The following NMT2 variants were observed in gnomAD, a reference collection of about 807,000 sequenced individuals.
NMT2 encodes glycylpeptide N-tetradecanoyltransferase 2.
NMT2 carries 35 observed loss-of-function variants against 65.4 expected under a neutral mutation model. The ratio of observed to expected loss-of-function variants is 0.54; its 90% CI spans 0.41 to 0.71. NMT2 has a LOEUF of 0.71. Ranked by LOEUF, NMT2 falls within the 30% of genes least tolerant of loss-of-function variation. The pLI, the probability that NMT2 is intolerant of heterozygous loss-of-function variation, is 0.00. For synonymous variants in NMT2, 226 were observed against 231.8 expected (o/e 0.98, Z 0.23); for missense variants, 489 against 611.3 (o/e 0.80, Z 2.11).
intron 8 of NMT2, among the ~76,000 whole-genome samples, chr10:15,122,316 T>A (rs549429827): frequency 3.3e-4 from 50 of 152,310 alleles, no homozygotes; most frequent in African/African-American, 9.9e-4. Flanking sequence ...TGGAGCACAA[T>A]TCTCATTCAT....
rs143193456 is a variant in NMT2, at chr10:15,116,701, A to G, written c.1170+2642T>C. Among the ~76,000 whole-genome samples, 487 of 152,326 alleles carry G rather than the reference A, an allele frequency of 3.2e-3. 4 individuals carry two copies. Among genetic ancestry groups the G allele is most frequent in the African/African-American group, 0.011 (447 of 41,568 alleles). ...ATGGACAAAAACAAAGAAAGAGAAG[A>G]CACGAATCACCAATATCTGGTATGA... is the stretch of plus-strand genomic sequence containing the variant. On this transcript the variant is annotated intron_variant, in intron 9 of 11. Coordinates refer to ENST00000378165, the MANE Select transcript of NMT2 (RefSeq NM_004808.3).
intron 1 of NMT2, among the ~76,000 whole-genome samples, chr10:15,142,671 G>T (rs1438638416): frequency 6.6e-6 from 1 of 152,200 alleles, no homozygotes; most frequent in African/African-American, 2.4e-5. Context: ...TGGTACCCTA[G>T]TGGTTTAAAA....
intron 2 of NMT2, chr10:15,141,000 C>T (rs747376502): frequency 5.3e-4 from 819 of 1,550,802 alleles, no homozygotes; most frequent in Non-Finnish European, 6.6e-4. Context: ...TGGCTGCTCC[C>T]GCTGAAATCT....
chr10:15,156,230 C>T (rs1832993143), intron 1 of NMT2, among the ~76,000 whole-genome samples: 1 of 152,118 alleles, frequency 6.6e-6, no homozygotes, highest in African/African-American at 2.4e-5. Context: ...CGGTTACCCT[C>T]ATGCTGTACT....
At chr10:15,127,571 T>TAAAAAA (rs1222509538) in intron 8 of NMT2, among the ~76,000 whole-genome samples, 1 of 75,810 alleles carries the variant, frequency 1.3e-5, no homozygotes, top group African/African-American at 7.2e-5. Flanking sequence ...AAAAAAAAAA[T>TAAAAAA]AAATAAATAA....
intron 1 of NMT2, among the ~76,000 whole-genome samples, chr10:15,160,446 G>T (rs1044266237): frequency 1.2e-4 from 18 of 151,862 alleles, no homozygotes; most frequent in Admixed American, 9.2e-4. Flanking sequence ...AAACCCCCAT[G>T]AACATGTATC....
chr10:15,153,393 C>T (rs1163443280), intron 1 of NMT2, among the ~76,000 whole-genome samples: 1 of 152,250 alleles, frequency 6.6e-6, no homozygotes, highest in Non-Finnish European at 1.5e-5. Flanking sequence ...CAGAGGCACA[C>T]ATGTGCACAT....
At chr10:15,153,610 T>C (rs1832880070) in intron 1 of NMT2, among the ~76,000 whole-genome samples, 1 of 152,244 alleles carries the variant, frequency 6.6e-6, no homozygotes. Context: ...AAAATGTCTC[T>C]AAGGCCAAAG....
Position 15,119,375 on chromosome 10 carries a change from G to A in NMT2, c.1138C>T (p.Arg380Trp), listed in dbSNP as rs749169133. Residue 380 changes from arginine (R) to tryptophan (W), a missense_variant, in exon 9 of 12, where the codon CGG becomes TGG. Arg to Trp is a moderately radical substitution (Grantham distance 101, BLOSUM62 -3). Transcript: ENST00000378165. ...EEEVAHWFLP[R>W]EHIIDTFVVE... ...ACAAACGTGTCAATAATGTGCTCCC[G>A]GGGGAGGAACCAGTGGGCTACTTCC... 1.7e-5 allele frequency: 28 copies of A among 1,613,958 alleles called. No homozygotes were observed. Among genetic ancestry groups the A allele is most frequent in the Admixed American group, 5.0e-5 (3 of 59,990 alleles).
chr10:15,115,376 ATGT>A (rs1425316295), intron 9 of NMT2, among the ~76,000 whole-genome samples: 1 of 152,216 alleles, frequency 6.6e-6, no homozygotes, highest in Non-Finnish European at 1.5e-5. Context: ...AAAGTAATAA[ATGT>A]TGTTACCAAT....
chr10:15,109,238 A>G, intron 11 of NMT2, 23 bp from the exon 12 acceptor site: 6 of 1,602,954 alleles, frequency 3.7e-6, no homozygotes, highest in Non-Finnish European at 5.1e-6. Context: ...AAGAAATGGA[A>G]TAGTAAGAAA....
intron 8 of NMT2, 88 bp downstream of exon 8, chr10:15,128,262 A>G: frequency 1.3e-6 from 1 of 777,434 alleles, no homozygotes; most frequent in Non-Finnish European, 2.3e-6. Flanking sequence ...CACACCAGTC[A>G]GTTTTTAGAC....
chr10:15,112,796 C>T lies in NMT2; in HGVS notation c.1338G>A (p.Ser446=), dbSNP rs887738040. The change falls in exon 10 of 12, where the codon TCG becomes TCA. Residue 446 remains serine, a splice_region_variant and synonymous_variant. Transcript: ENST00000378165. The part of the protein sequence containing the change: ...LMSDALILAK[S]KGFDVFNALD... Reference sequence around the variant, plus strand: ...GCGTGAACAGGAAGGAGTGGCTTACCGATTTAGCCAGGATGAGCGCGTCGC... The same window carrying T: ...GCGTGAACAGGAAGGAGTGGCTTACTGATTTAGCCAGGATGAGCGCGTCGC... The T allele has an allele frequency of 1.9e-6, 3 of 1,606,840 alleles. No homozygotes were observed. Among genetic ancestry groups the T allele is most frequent in the Non-Finnish European group, 2.5e-6 (3 of 1,176,538 alleles).
At chr10:15,161,108 A>AAAAAAAAC (rs1833180224) in intron 1 of NMT2, among the ~76,000 whole-genome samples, 1 of 150,026 alleles carries the variant, frequency 6.7e-6, no homozygotes, top group Admixed American at 6.7e-5. Context: ...AAAAAAAAAA[A>AAAAAAAAC]AACACAAAGA....
intron 1 of NMT2, among the ~76,000 whole-genome samples, chr10:15,161,303 AT>A (rs1432811709): frequency 6.6e-6 from 1 of 152,026 alleles, no homozygotes; most frequent in African/African-American, 2.4e-5. Context: ...AAGAAAAAAA[AT>A]CATGTGAGAA....
In NMT2 at chr10:15,135,519, C is replaced by T. The variant is rs577215109; in HGVS notation, c.247-101G>A. On this transcript the variant is annotated intron_variant, in intron 2 of 11. Transcript: ENST00000378165. ...TGCCTCAGAGACTACAATACCTAAACACTAACAATCCTCCTCCAAGCCCAG... is the reference window on the plus strand; with the variant it reads ...TGCCTCAGAGACTACAATACCTAAATACTAACAATCCTCCTCCAAGCCCAG... The T allele has an allele frequency of 4.8e-5, 57 of 1,190,410 alleles. 2 individuals are homozygous for T. In the South Asian group the frequency reaches 7.5e-4, roughly 16 times the overall value. The allele number at this position is 1,190,410 out of a possible 1,614,324, so 73.7% of individuals were successfully genotyped here. A position where few individuals can be genotyped will look rare whatever the true frequency, so the allele number is the denominator to read the frequency against.
At chr10:15,115,976 C>A (rs1220334188) in intron 9 of NMT2, among the ~76,000 whole-genome samples, 4 of 152,180 alleles carry the variant, frequency 2.6e-5, no homozygotes, top group Non-Finnish European at 5.9e-5. Context: ...GACAAATCCA[C>A]AATTACAGCT....
intron 2 of NMT2, chr10:15,140,873 ACTT>A (rs1275318308): frequency 2.0e-6 from 2 of 979,178 alleles, no homozygotes; most frequent in African/African-American, 3.2e-5. Context: ...CAGCTGGACA[ACTT>A]CTGGTTTGGT....
At chr10:15,119,576 G>C in intron 8 of NMT2, 63 bp from the exon 9 acceptor site, 1 of 1,454,148 alleles carries the variant, frequency 6.9e-7, no homozygotes, top group Non-Finnish European at 9.6e-7. Context: ...AAACGACTTT[G>C]CACTCAAAGT....
Sources: gnomAD v4.1 joint callset for allele counts (sites outside exome capture counted in the v4.1 genomes callset) on GRCh38, gnomAD v4.1.1 for gene constraint, MANE v1.5 for transcripts, NCBI Gene and HGNC (gene_info 2026-07-23, HGNC 2026-07-21) for gene names.